Variants in PCDHGA12 observed in about 807,000 individuals in gnomAD.
PCDHGA12 encodes the protein protocadherin gamma-A12.
Under a neutral mutation model 61.1 loss-of-function variants are expected in PCDHGA12, and 43 were observed. That is an observed-to-expected ratio of 0.70 (90% CI 0.55 to 0.91). PCDHGA12 has a LOEUF of 0.91. PCDHGA12 is among the 40% of genes least tolerant of loss of function. The pLI is 0.00. For synonymous variants in PCDHGA12, 520 were observed against 542.9 expected, an observed-to-expected ratio of 0.96 and a Z score of 0.59; for missense variants, 1,236 against 1,227.7, an observed-to-expected ratio of 1.01 and a Z score of -0.10.
At position 141,434,771 on chromosome 5, in the gene PCDHGA12, TA is replaced by T. The variant is rs36031641; in HGVS notation, c.2424+1601del. On this transcript the variant is annotated intron_variant, in intron 1 of 3. Transcript: ENST00000252085. ...CCCCTGATTCCCCACTTCACACTTC[TA>T]AAAAAAAAAAAATTTTTTTTTCTGA... 2.5e-3 allele frequency among the ~76,000 whole-genome samples: 362 copies of T among 145,286 alleles called. 1 individual carries two copies. The highest frequency in any genetic ancestry group is 0.011 in the Middle Eastern group (3 of 280).
At chr5:141,433,358 C>CCTAA (rs1554125965) in intron 1 of PCDHGA12, 175 bp downstream of exon 1, 1 of 503,368 alleles carries the variant, frequency 2.0e-6, no homozygotes, top group Non-Finnish European at 3.5e-6. Flanking sequence ...CTACTGTCTG[C>CCTAA]CTATCTATCT....
At chr5:141,440,093 GA>G (rs2098151022) in intron 1 of PCDHGA12, 1 of 152,302 alleles carries the variant, frequency 6.6e-6, no homozygotes, top group Non-Finnish European at 1.5e-5. Context: ...TCTAAGTGGG[GA>G]AAGTGGAGAC....
At chr5:141,461,892 C>T (rs976827774) in intron 1 of PCDHGA12, among the ~76,000 whole-genome samples, 2 of 152,030 alleles carry the variant, frequency 1.3e-5, no homozygotes, top group Non-Finnish European at 2.9e-5. Context: ...GGCACGATCT[C>T]GGCTCACTGC....
chr5:141,453,609 G>A (rs1208329212), intron 1 of PCDHGA12, among the ~76,000 whole-genome samples: 3 of 151,900 alleles, frequency 2.0e-5, no homozygotes, highest in South Asian at 4.2e-4. Context: ...TTTGCAAAAC[G>A]CAAAAACAAA....
Position 141,431,721 on chromosome 5 carries a change from C to T in PCDHGA12, c.962C>T (p.Ala321Val). The T allele has an allele frequency of 1.2e-6, 2 of 1,614,246 alleles. No homozygotes were observed. Among genetic ancestry groups the T allele is most frequent in the Non-Finnish European group, 1.7e-6 (2 of 1,180,044 alleles). The change falls in exon 1 of 4, where the codon GCA becomes GTA. Residue 321 changes from alanine (A) to valine (V), a missense_variant. By Grantham distance (64) the Ala-to-Val change is moderately conservative (BLOSUM62 0). Transcript: ENST00000252085. The surrounding 1 kb of genome is among the most constrained non-coding windows in gnomAD (Gnocchi z 4.8). ...GGATTCTACCAGATGGAAGTGCAAGCAATGGATAATGCAGGATATTCTGCG... is the reference window on the plus strand; with the variant it reads ...GGATTCTACCAGATGGAAGTGCAAGTAATGGATAATGCAGGATATTCTGCG... ...ESGFYQMEVQ[A>V]MDNAGYSARA...
intron 1 of PCDHGA12, among the ~76,000 whole-genome samples, chr5:141,443,156 A>G (rs1059029): frequency 0.29 from 44,047 of 151,812 alleles, 7,376 homozygotes; most frequent in African/African-American, 0.47. Flanking sequence ...ACTGCATTTT[A>G]TTTCCCTACC....
chr5:141,433,361 A>ATCTATCTATCTC, intron 1 of PCDHGA12, 178 bp downstream of exon 1: 1 of 297,578 alleles, frequency 3.4e-6, no homozygotes, highest in Non-Finnish European at 6.3e-6. Context: ...CTGTCTGCCT[A>ATCTATCTATCTC]TCTATCTATC....
At chr5:141,480,198 G>A (rs1280951298) in intron 1 of PCDHGA12, among the ~76,000 whole-genome samples, 2 of 150,780 alleles carry the variant, frequency 1.3e-5, no homozygotes, top group African/African-American at 4.9e-5. Flanking sequence ...GAGGCCAGCA[G>A]TTCAAGACCA....
intron 1 of PCDHGA12, among the ~76,000 whole-genome samples, chr5:141,451,090 A>G (rs2098706546): frequency 6.6e-6 from 1 of 151,864 alleles, no homozygotes; most frequent in Non-Finnish European, 1.5e-5. Context: ...GACCTCCCAA[A>G]GTGTTGGGAT....
At chr5:141,478,460 C>G (rs759992881) in intron 1 of PCDHGA12, 1 of 1,613,344 alleles carries the variant, frequency 6.2e-7, no homozygotes, top group East Asian at 2.2e-5. Flanking sequence ...AGCCAGTCCA[C>G]TGGCCAGCCG....
At chr5:141,435,614 C>T (rs1274100711) in intron 1 of PCDHGA12, among the ~76,000 whole-genome samples, 1 of 152,056 alleles carries the variant, frequency 6.6e-6, no homozygotes, top group Non-Finnish European at 1.5e-5. Context: ...ACATTAAATT[C>T]CCCATAACTT....
intron 2 of PCDHGA12, among the ~76,000 whole-genome samples, chr5:141,500,948 A>G (rs1055841985): frequency 1.8e-4 from 28 of 151,592 alleles, no homozygotes; most frequent in Non-Finnish European, 4.4e-5. Context: ...GGCTCACTGC[A>G]AGCTCCACCT....
chr5:141,438,617 TATATATATATATATATATACAC>T (rs1342425883), intron 1 of PCDHGA12, among the ~76,000 whole-genome samples: 18 of 37,162 alleles, frequency 4.8e-4, no homozygotes, highest in Admixed American at 2.0e-3. Flanking sequence ...TATATATATA[TATATATATATATATATATACAC>T]ACACACACAC....
intron 2 of PCDHGA12, among the ~76,000 whole-genome samples, chr5:141,498,394 A>G (rs1043900807): frequency 6.6e-6 from 1 of 152,096 alleles, no homozygotes; most frequent in Non-Finnish European, 1.5e-5. Flanking sequence ...AGGGAATGGC[A>G]GGGAGTTTTC....
At chr5:141,505,523 G>C in intron 3 of PCDHGA12, 42 bp downstream of exon 3, 2 of 1,612,760 alleles carry the variant, frequency 1.2e-6, no homozygotes, top group South Asian at 2.2e-5. Context: ...GGGAGACCTG[G>C]GGTTCTGGGG....
chr5:141,477,845 G>A lies in PCDHGA12; in HGVS notation c.2425-16962G>A, dbSNP rs1164464559. On this transcript the variant is annotated intron_variant, in intron 1 of 3. Transcript: ENST00000252085. This position sits in a 1 kb window ranked among gnomAD's most constrained non-coding sequence, Gnocchi z 4.9. ...ATATCCTCGGCCAGGTGGGAGCTCGGTGGAGATGCTGCCTCGAGGTACCTC... is the reference window on the plus strand; with the variant it reads ...ATATCCTCGGCCAGGTGGGAGCTCGATGGAGATGCTGCCTCGAGGTACCTC... 11 of 1,614,040 alleles carry A rather than the reference G, an allele frequency of 6.8e-6. No individual in the cohort carries two copies. The highest frequency in any genetic ancestry group is 9.3e-6 in the Non-Finnish European group (11 of 1,180,036).
intron 1 of PCDHGA12, among the ~76,000 whole-genome samples, chr5:141,465,422 G>T (rs74711061): frequency 6.6e-6 from 1 of 152,142 alleles, no homozygotes; most frequent in Non-Finnish European, 1.5e-5. Context: ...AGCACTGAAA[G>T]GTGGGCACTT....
chr5:141,474,499 C>T (rs1480109147), intron 1 of PCDHGA12, among the ~76,000 whole-genome samples: 1 of 152,198 alleles, frequency 6.6e-6, no homozygotes, highest in Non-Finnish European at 1.5e-5. Context: ...TCTTCTAATG[C>T]CTATCAGCCC....
chr5:141,477,898 AG>A lies in PCDHGA12; in HGVS notation c.2425-16907del. The stretch of plus-strand genomic sequence containing the variant: ...CTGGCCACCTAGTGTCACGGGTGGT[AG>A]GCTGGGACGCGGATGCAGGGCACAA... On this transcript the variant is annotated intron_variant, in intron 1 of 3. Coordinates refer to ENST00000252085, the MANE Select transcript of PCDHGA12 (RefSeq NM_003735.3). The surrounding 1 kb of genome is among the most constrained non-coding windows in gnomAD (Gnocchi z 4.9). The A allele has an allele frequency of 6.2e-7, 1 of 1,614,158 alleles. No individual in the cohort carries two copies. Among genetic ancestry groups the A allele is most frequent in the Non-Finnish European group, 8.5e-7 (1 of 1,180,036 alleles).
Sources: gnomAD v4.1 joint callset for allele counts (sites outside exome capture counted in the v4.1 genomes callset) on GRCh38, gnomAD v4.1.1 for gene constraint, Gnocchi (gnomAD v3.1) non-coding constraint, MANE v1.5 for transcripts, NCBI Gene and HGNC (gene_info 2026-07-23, HGNC 2026-07-21) for gene names.